PPFIBP1: variants seen among roughly 807,000 people sequenced by gnomAD.
PPFIBP1 encodes the protein PPFIB scaffold protein 1.
PPFIBP1 carries 112 observed loss-of-function variants against 137.8 expected under a neutral mutation model. That is an observed-to-expected ratio of 0.81 (90% CI 0.70 to 0.95). The LOEUF (loss-of-function observed/expected upper bound fraction) is 0.95, where lower values mean the gene tolerates loss of function less well. Ranked by LOEUF, PPFIBP1 falls within the 40% of genes least tolerant of loss-of-function variation. The pLI is 0.00. For missense variants in PPFIBP1, 1,083 were observed against 1,196.6 expected (o/e 0.91, Z 1.40); for synonymous variants, 378 against 417.3 (o/e 0.91, Z 1.15).
chr12:27,692,002 T>C (rs1465885710), intron 28 of PPFIBP1, 74 bp downstream of exon 28: 3 of 1,275,540 alleles, frequency 2.4e-6, no homozygotes, highest in Non-Finnish European at 3.2e-6. Flanking sequence ...TTGTATACTG[T>C]GTCTGATCAA....
At position 27,659,065 on chromosome 12, in the gene PPFIBP1, G is replaced by A. The variant is rs547077073; in HGVS notation, c.844+217G>A. 5.9e-5 allele frequency among the ~76,000 whole-genome samples: 9 copies of A among 152,272 alleles called. No individual in the cohort carries two copies. In the South Asian group the frequency reaches 6.2e-4, roughly 11 times the overall value. On this transcript the variant is annotated intron_variant, in intron 10 of 29. Coordinates refer to ENST00000228425, the MANE Select transcript of PPFIBP1 (RefSeq NM_003622.4). ...AGATTTTGTCTGATTCAACCTTTCC[G>A]CTCTACAGTGTATAACCGGGCACAC...
chr12:27,533,317 CAATAAT>C (rs1457297412), intron 1 of PPFIBP1, among the ~76,000 whole-genome samples: 1 of 152,060 alleles, frequency 6.6e-6, no homozygotes, highest in African/African-American at 2.4e-5. Context: ...AGGAGAATAA[CAATAAT>C]AATAGGTAAC....
chr12:27,548,261 T>G (rs1946420032), intron 1 of PPFIBP1: 1 of 152,186 alleles, frequency 6.6e-6, no homozygotes, highest in South Asian at 2.1e-4. Flanking sequence ...TGCAGTTGAA[T>G]GGGTCGCCGT....
intron 1 of PPFIBP1, among the ~76,000 whole-genome samples, chr12:27,532,892 T>C (rs1011775953): frequency 3.3e-5 from 5 of 152,208 alleles, no homozygotes; most frequent in African/African-American, 1.2e-4. Context: ...AAGGGAACTA[T>C]TGTTTTATAA....
chr12:27,672,332 CATA>C, intron 14 of PPFIBP1, 92 bp from the exon 15 acceptor site: 1 of 909,808 alleles, frequency 1.1e-6, no homozygotes, highest in Non-Finnish European at 1.7e-6. Flanking sequence ...GCTTCCTTTG[CATA>C]ATTTTTTGTT....
intron 1 of PPFIBP1, among the ~76,000 whole-genome samples, chr12:27,563,067 A>G (rs569057393): frequency 6.6e-6 from 1 of 151,604 alleles, no homozygotes; most frequent in Non-Finnish European, 1.5e-5. Context: ...TAAGGTTACT[A>G]ATCAGCTGAC....
At chr12:27,691,723 T>G (rs1295341960) in intron 27 of PPFIBP1, 26 bp from the exon 28 acceptor site, 1 of 1,585,124 alleles carries the variant, frequency 6.3e-7, no homozygotes, top group African/African-American at 1.4e-5. Context: ...ATCCTTTGGA[T>G]GTTTTTGTTT....
chr12:27,555,069 A>G (rs955579483), intron 1 of PPFIBP1, among the ~76,000 whole-genome samples: 1 of 152,078 alleles, frequency 6.6e-6, no homozygotes, highest in African/African-American at 2.4e-5. Flanking sequence ...TCGTTCATGG[A>G]AGGCAGGCCC....
intron 1 of PPFIBP1, among the ~76,000 whole-genome samples, chr12:27,569,468 C>G (rs1187601066): frequency 2.0e-5 from 3 of 152,158 alleles, no homozygotes; most frequent in African/African-American, 7.2e-5. Context: ...TGCTTTCCTG[C>G]CCACTGGCTC....
At chr12:27,541,438 G>A (rs1012478339) in intron 1 of PPFIBP1, among the ~76,000 whole-genome samples, 5 of 152,102 alleles carry the variant, frequency 3.3e-5, no homozygotes, top group African/African-American at 4.8e-5. Context: ...CTTGCTGAGC[G>A]AGCTGTGACT....
At chr12:27,594,731 C>G (rs1362949752) in intron 2 of PPFIBP1, among the ~76,000 whole-genome samples, 1 of 152,118 alleles carries the variant, frequency 6.6e-6, no homozygotes, top group Non-Finnish European at 1.5e-5. Flanking sequence ...CAAAAACAAA[C>G]ATGCCATGGT....
intron 2 of PPFIBP1, among the ~76,000 whole-genome samples, chr12:27,589,162 T>C (rs1260789405): frequency 6.6e-6 from 1 of 152,222 alleles, no homozygotes; most frequent in African/African-American, 2.4e-5. Flanking sequence ...CAATATATAA[T>C]GAGGAGACAT....
intron 1 of PPFIBP1, among the ~76,000 whole-genome samples, chr12:27,557,920 C>A (rs1244049821): frequency 6.6e-6 from 1 of 152,192 alleles, no homozygotes; most frequent in Non-Finnish European, 1.5e-5. Flanking sequence ...AATAAATTCT[C>A]TAGTTTTGTT....
intron 1 of PPFIBP1, among the ~76,000 whole-genome samples, chr12:27,544,849 A>G (rs895502177): frequency 3.3e-4 from 50 of 152,266 alleles, no homozygotes; most frequent in Admixed American, 1.3e-3. Flanking sequence ...ATCTAGAACT[A>G]GAAATACCAT....
rs1203892978 is a variant in PPFIBP1, at chr12:27,688,318, A to C, written c.2391A>C (p.Glu797Asp). ...PSDENTIAPS[E>D]VQKWTNHRVM... Reference sequence around the variant, plus strand: ...CATAGAATACCATCGCCCCATCAGAAGTTCAGAAGTGGACTAACCATCGAG... The same window carrying C: ...CATAGAATACCATCGCCCCATCAGACGTTCAGAAGTGGACTAACCATCGAG... Residue 797 changes from glutamate to aspartate, a missense_variant, in exon 26 of 30, where the codon GAA (glutamate) becomes GAC (aspartate). Coordinates refer to ENST00000228425, the MANE Select transcript of PPFIBP1 (RefSeq NM_003622.4). 2 of 1,613,962 alleles carry C rather than the reference A, an allele frequency of 1.2e-6. No homozygotes were observed. The highest frequency in any genetic ancestry group is 1.7e-5 in the Admixed American group (1 of 59,964).
At chr12:27,674,348 C>T in intron 17 of PPFIBP1, 127 bp downstream of exon 17, 1 of 606,048 alleles carries the variant, frequency 1.7e-6, no homozygotes, top group Non-Finnish European at 2.9e-6. Flanking sequence ...AAGCCAGACA[C>T]AAAGTTCACA....
Position 27,646,158 on chromosome 12 carries a change from T to G in PPFIBP1, c.357+10T>G, listed in dbSNP as rs201070906. 3.3e-4 allele frequency: 529 copies of G among 1,583,196 alleles called. 1 individual carries two copies. The highest frequency in any genetic ancestry group is 2.0e-4 in the Non-Finnish European group (230 of 1,152,874). On this transcript the variant is annotated intron_variant, in intron 5 of 29. Transcript: ENST00000228425. Reference sequence around the variant, plus strand: ...ATCCCTCGTTCTTCAGGCAAGTGATTTTTAAATACTGTTCTTTCCTTGCAG... The same window carrying G: ...ATCCCTCGTTCTTCAGGCAAGTGATGTTTAAATACTGTTCTTTCCTTGCAG...
At chr12:27,555,671 G>A (rs181578318) in intron 1 of PPFIBP1, among the ~76,000 whole-genome samples, 1 of 152,268 alleles carries the variant, frequency 6.6e-6, no homozygotes. Flanking sequence ...GATATAGCAC[G>A]TACGAGACAG....
intron 3 of PPFIBP1, among the ~76,000 whole-genome samples, chr12:27,633,761 C>T (rs2057425490): frequency 6.6e-6 from 1 of 151,638 alleles, no homozygotes; most frequent in African/African-American, 2.4e-5. Flanking sequence ...GGACACTTCT[C>T]TACCCAGTGA....
Sources: gnomAD v4.1 joint callset for allele counts (sites outside exome capture counted in the v4.1 genomes callset) on GRCh38, gnomAD v4.1.1 for gene constraint, MANE v1.5 for transcripts, NCBI Gene and HGNC (gene_info 2026-07-23, HGNC 2026-07-21) for gene names.